The following LUZP2 variants were observed in gnomAD, a reference collection of about 807,000 sequenced individuals.
The protein encoded by LUZP2 is leucine zipper protein 2.
A neutral mutation model predicts 51.6 loss-of-function variants in LUZP2; 52 were observed. The observed-to-expected ratio is 1.01, with a 90% confidence interval of 0.81 to 1.27. The LOEUF (loss-of-function observed/expected upper bound fraction) is 1.27. LUZP2 is among the 50% of genes most tolerant of loss of function. LUZP2 has a pLI of 0.00. For synonymous variants in LUZP2, 154 were observed against 137.3 expected (o/e 1.12, Z -0.85); for missense variants, 436 against 395.4 (o/e 1.10, Z -0.87).
At chr11:24,567,694 GA>G (rs1852289633) in intron 1 of LUZP2, among the ~76,000 whole-genome samples, 1 of 151,290 alleles carries the variant, frequency 6.6e-6, no homozygotes, top group East Asian at 1.9e-4. Flanking sequence ...ACTGTTGAAT[GA>G]AAAAAAATAG....
At chr11:24,953,776 A>G (rs988653770) in intron 7 of LUZP2, among the ~76,000 whole-genome samples, 49 of 152,048 alleles carry the variant, frequency 3.2e-4, no homozygotes, top group African/African-American at 1.2e-3. Flanking sequence ...TCCAATACTG[A>G]TTTAGAATCC....
chr11:24,545,718 G>A (rs1298714846), intron 1 of LUZP2, among the ~76,000 whole-genome samples: 2 of 152,028 alleles, frequency 1.3e-5, no homozygotes, highest in Non-Finnish European at 2.9e-5. Flanking sequence ...GCTGGGTAGT[G>A]TGATGCCTCC....
intron 5 of LUZP2, among the ~76,000 whole-genome samples, chr11:24,771,526 C>T (rs910592785): frequency 6.6e-6 from 1 of 150,890 alleles, no homozygotes; most frequent in African/African-American, 2.4e-5. Flanking sequence ...CAACACAGGG[C>T]CAGGACTTTG....
chr11:24,621,951 C>T, intron 1 of LUZP2, among the ~76,000 whole-genome samples: 1 of 146,156 alleles, frequency 6.8e-6, no homozygotes, highest in Non-Finnish European at 1.5e-5. Flanking sequence ...CTCCTTTCCA[C>T]ATACATCTTT....
intron 1 of LUZP2, among the ~76,000 whole-genome samples, chr11:24,551,604 A>G (rs191628516): frequency 6.6e-6 from 1 of 152,142 alleles, no homozygotes; most frequent in Non-Finnish European, 1.5e-5. Context: ...AATGTATTTC[A>G]AAAATTTTTT....
At chr11:24,671,186 T>C (rs1397995317) in intron 1 of LUZP2, among the ~76,000 whole-genome samples, 1 of 151,960 alleles carries the variant, frequency 6.6e-6, no homozygotes, top group Non-Finnish European at 1.5e-5. Context: ...AAAAAATTGG[T>C]ATTTGCTTAC....
At chr11:24,616,320 GTTTA>G (rs754144133) in intron 1 of LUZP2, among the ~76,000 whole-genome samples, 8 of 151,836 alleles carry the variant, frequency 5.3e-5, no homozygotes, top group Non-Finnish European at 1.0e-4. Flanking sequence ...GTTTTCGTTT[GTTTA>G]TCCCAGAAAC....
At chr11:24,571,069 A>G (rs574463950) in intron 1 of LUZP2, among the ~76,000 whole-genome samples, 13 of 152,208 alleles carry the variant, frequency 8.5e-5, no homozygotes, top group Admixed American at 5.3e-4. Flanking sequence ...CTACTATTCC[A>G]CAAAAATAAT....
At chr11:25,043,862 A>G (rs1228171430) in intron 9 of LUZP2, among the ~76,000 whole-genome samples, 2 of 146,100 alleles carry the variant, frequency 1.4e-5, no homozygotes, top group Non-Finnish European at 3.0e-5. Context: ...TTGTCATTTC[A>G]TTGTTCATTT....
Position 24,944,688 on chromosome 11 carries a change from C to T in LUZP2, c.522+30150C>T, listed in dbSNP as rs151107786. 2.3e-3 allele frequency among the ~76,000 whole-genome samples: 345 copies of T among 152,142 alleles called. 2 individuals carry two copies. The highest frequency in any genetic ancestry group is 7.8e-3 in the African/African-American group (323 of 41,486). On this transcript the variant is annotated intron_variant, in intron 7 of 11. Transcript: ENST00000336930. ...GTTGCAAGGATTGGGGAAGGTTCTT[C>T]GGGAGCAGATGGAGTAGCATGGTCA...
chr11:24,939,200 G>C (rs1175524854), intron 7 of LUZP2, among the ~76,000 whole-genome samples: 1 of 151,986 alleles, frequency 6.6e-6, no homozygotes, highest in Admixed American at 6.6e-5. Flanking sequence ...TAGAAATATA[G>C]AAGTGTACGG....
intron 1 of LUZP2, among the ~76,000 whole-genome samples, chr11:24,724,150 T>C (rs929226398): frequency 2.6e-5 from 4 of 152,226 alleles, no homozygotes; most frequent in African/African-American, 9.6e-5. Flanking sequence ...CTTGGGATTT[T>C]TGTTTTTCTA....
At chr11:25,063,401 TAATA>T (rs1204543188) in intron 10 of LUZP2, among the ~76,000 whole-genome samples, 1 of 151,726 alleles carries the variant, frequency 6.6e-6, no homozygotes, top group Non-Finnish European at 1.5e-5. Context: ...TTATCCATCT[TAATA>T]CAATATTTTC....
At chr11:24,582,718 A>G (rs1350992496) in intron 1 of LUZP2, among the ~76,000 whole-genome samples, 1 of 152,106 alleles carries the variant, frequency 6.6e-6, no homozygotes, top group Non-Finnish European at 1.5e-5. Flanking sequence ...GGTCTAGAAG[A>G]AATGTGTGCC....
chr11:24,528,092 AT>A (rs1430077203), intron 1 of LUZP2, among the ~76,000 whole-genome samples: 1 of 151,170 alleles, frequency 6.6e-6, no homozygotes, highest in Non-Finnish European at 1.5e-5. Flanking sequence ...CATTTTTTTG[AT>A]GAAGCATAAG....
At chr11:24,596,363 T>C (rs1271190543) in intron 1 of LUZP2, among the ~76,000 whole-genome samples, 1 of 152,226 alleles carries the variant, frequency 6.6e-6, no homozygotes, top group Non-Finnish European at 1.5e-5. Flanking sequence ...TTAATGCTGC[T>C]GAAGATAGGT....
At chr11:25,009,853 A>C (rs1020543697) in intron 9 of LUZP2, among the ~76,000 whole-genome samples, 17 of 152,180 alleles carry the variant, frequency 1.1e-4, no homozygotes, top group Non-Finnish European at 2.4e-4. Flanking sequence ...AGCAGTTAGT[A>C]CTACTCCTTG....
At chr11:24,920,892 C>T (rs1854030586) in intron 7 of LUZP2, among the ~76,000 whole-genome samples, 1 of 151,824 alleles carries the variant, frequency 6.6e-6, no homozygotes, top group Non-Finnish European at 1.5e-5. Context: ...GACATCACCA[C>T]AATGCAATAT....
At chr11:25,006,860 G>A (rs984448036) in intron 9 of LUZP2, among the ~76,000 whole-genome samples, 12 of 152,188 alleles carry the variant, frequency 7.9e-5, no homozygotes, top group Non-Finnish European at 4.4e-5. Flanking sequence ...TTACTGTGAA[G>A]AGTGAAAGAA....
Sources: gnomAD v4.1 joint callset for allele counts (sites outside exome capture counted in the v4.1 genomes callset) on GRCh38, gnomAD v4.1.1 for gene constraint, MANE v1.5 for transcripts, NCBI Gene and HGNC (gene_info 2026-07-23, HGNC 2026-07-21) for gene names.